CDKAL1: variants seen among roughly 807,000 people sequenced by gnomAD.
CDKAL1 encodes the protein threonylcarbamoyladenosine tRNA methylthiotransferase.
A neutral mutation model predicts 68.2 loss-of-function variants in CDKAL1; 32 were observed. The ratio of observed to expected loss-of-function variants is 0.47; its 90% CI spans 0.35 to 0.63. CDKAL1 has a LOEUF of 0.63. CDKAL1 is among the 30% of genes least tolerant of loss of function. CDKAL1 has a pLI of 0.00. For synonymous variants in CDKAL1, 234 were observed against 244.3 expected (o/e 0.96, Z 0.39); for missense variants, 606 against 696.7 (o/e 0.87, Z 1.47).
chr6:21,108,102 T>A (rs1227274713), intron 12 of CDKAL1, among the ~76,000 whole-genome samples: 1 of 152,168 alleles, frequency 6.6e-6, no homozygotes, highest in Non-Finnish European at 1.5e-5. Flanking sequence ...TTTCTTCATT[T>A]TAGTCTGTTA....
chr6:20,637,803 T>G (rs746328715), intron 4 of CDKAL1, among the ~76,000 whole-genome samples: 1 of 152,220 alleles, frequency 6.6e-6, no homozygotes. Flanking sequence ...AAAAATTTTA[T>G]GTAAATACCA....
At position 21,211,924 on chromosome 6, in the gene CDKAL1, AT is replaced by A. The variant is rs917290526; in HGVS notation, c.1548+10660del. ...AGACATGCGCCACTGTGCCTGGCTA[AT>A]TTTTTTTTTATTTTTTGTAGAGATG... is the stretch of plus-strand genomic sequence containing the variant. On this transcript the variant is annotated intron_variant, in intron 15 of 15. Coordinates refer to ENST00000274695, the MANE Select transcript of CDKAL1 (RefSeq NM_017774.3). Among the ~76,000 whole-genome samples the A allele has an allele frequency of 1.2e-4, 18 of 149,826 alleles. No individual in the cohort carries two copies. In the South Asian group the frequency reaches 2.6e-3, roughly 21 times the overall value.
At chr6:20,884,785 T>C (rs1760989887) in intron 9 of CDKAL1, among the ~76,000 whole-genome samples, 1 of 152,016 alleles carries the variant, frequency 6.6e-6, no homozygotes, top group South Asian at 2.1e-4. Context: ...AAGAATAAAA[T>C]ACCTAGGAAT....
chr6:20,982,712 T>TG (rs1766220893), intron 10 of CDKAL1, among the ~76,000 whole-genome samples: 1 of 151,304 alleles, frequency 6.6e-6, no homozygotes, highest in African/African-American at 2.4e-5. Context: ...GGGCAAAACC[T>TG]TGCAAAAAAG....
At chr6:20,544,363 C>T (rs1444393528) in intron 2 of CDKAL1, among the ~76,000 whole-genome samples, 4 of 151,050 alleles carry the variant, frequency 2.6e-5, no homozygotes, top group South Asian at 2.1e-4. Flanking sequence ...TTTGGGAGGC[C>T]GAGACGGGCG....
chr6:20,735,130 A>G (rs1773130308), intron 5 of CDKAL1, among the ~76,000 whole-genome samples: 4 of 152,138 alleles, frequency 2.6e-5, no homozygotes, highest in Admixed American at 2.6e-4. Flanking sequence ...TTGGCCTCCC[A>G]AAGTGCTGGG....
chr6:20,714,406 T>G (rs192609585), intron 5 of CDKAL1, among the ~76,000 whole-genome samples: 5,986 of 103,502 alleles, frequency 0.058, 124 homozygotes, highest in Non-Finnish European at 0.074. Context: ...TTTTTTTTTT[T>G]GAGACAGAAT....
At chr6:20,891,049 C>T (rs1050432299) in intron 9 of CDKAL1, among the ~76,000 whole-genome samples, 4 of 152,154 alleles carry the variant, frequency 2.6e-5, no homozygotes, top group Admixed American at 6.5e-5. Flanking sequence ...TCCCCTTTCC[C>T]CCGCTACCCT....
intron 8 of CDKAL1, among the ~76,000 whole-genome samples, chr6:20,833,213 GT>G (rs1399036307): frequency 3.3e-5 from 5 of 152,128 alleles, no homozygotes; most frequent in Non-Finnish European, 7.4e-5. Context: ...TCCAGCGTTA[GT>G]TTTTTGTGAG....
chr6:20,690,063 A>T (rs1398753991), intron 5 of CDKAL1, among the ~76,000 whole-genome samples: 1 of 152,216 alleles, frequency 6.6e-6, no homozygotes, highest in Non-Finnish European at 1.5e-5. Flanking sequence ...TGTAATGGTT[A>T]CCATAGTTAA....
intron 13 of CDKAL1, among the ~76,000 whole-genome samples, chr6:21,172,777 T>C (rs892365991): frequency 6.6e-6 from 1 of 152,048 alleles, no homozygotes; most frequent in Non-Finnish European, 1.5e-5. Flanking sequence ...AAATAAAAAT[T>C]AAAGCTTTCT....
intron 10 of CDKAL1, among the ~76,000 whole-genome samples, chr6:20,964,689 A>G (rs1184639658): frequency 6.6e-6 from 1 of 152,146 alleles, no homozygotes; most frequent in Admixed American, 6.5e-5. Context: ...ATCAGGAAGA[A>G]TAACTAATGG....
chr6:20,608,490 A>G (rs1160463185), intron 4 of CDKAL1, among the ~76,000 whole-genome samples: 2 of 152,208 alleles, frequency 1.3e-5, no homozygotes, highest in Non-Finnish European at 2.9e-5. Context: ...CTTGACGAGG[A>G]CACTATTTTG....
At chr6:20,963,494 C>A (rs897217677) in intron 10 of CDKAL1, among the ~76,000 whole-genome samples, 3 of 152,172 alleles carry the variant, frequency 2.0e-5, no homozygotes, top group Non-Finnish European at 4.4e-5. Flanking sequence ...CTTCCTACTA[C>A]TGAGCCTTTG....
intron 5 of CDKAL1, among the ~76,000 whole-genome samples, chr6:20,698,242 G>T (rs1184527890): frequency 6.6e-6 from 1 of 152,078 alleles, no homozygotes; most frequent in Non-Finnish European, 1.5e-5. Flanking sequence ...ACAACGTTTT[G>T]ATTTTAGAAT....
At chr6:20,558,235 A>G (rs1283076959) in intron 4 of CDKAL1, among the ~76,000 whole-genome samples, 1 of 152,184 alleles carries the variant, frequency 6.6e-6, no homozygotes, top group African/African-American at 2.4e-5. Context: ...CAGGGATGAC[A>G]GTGGTTATTG....
intron 4 of CDKAL1, among the ~76,000 whole-genome samples, chr6:20,586,847 A>G (rs1345201930): frequency 2.0e-5 from 3 of 151,984 alleles, no homozygotes; most frequent in Non-Finnish European, 4.4e-5. Flanking sequence ...TGAAGTGAAC[A>G]CCTTTTCTAC....
chr6:20,642,679 C>T lies in CDKAL1; in HGVS notation c.287-6614C>T, dbSNP rs759622903. ...CCCTGCTCATGGGAGTGCAAAGTGG[C>T]ACACCTTTGTGGAGAAGAATTTTAC... On this transcript the variant is annotated intron_variant, in intron 4 of 15. Coordinates refer to ENST00000274695, the MANE Select transcript of CDKAL1 (RefSeq NM_017774.3). Among the ~76,000 whole-genome samples, 39 of 152,184 alleles carry T rather than the reference C, an allele frequency of 2.6e-4. 1 individual carries two copies. The Middle Eastern group carries it at 0.027, about 106-fold the overall frequency.
At chr6:21,223,780 G>A (rs1779622994) in intron 15 of CDKAL1, among the ~76,000 whole-genome samples, 3 of 152,152 alleles carry the variant, frequency 2.0e-5, no homozygotes, top group African/African-American at 7.2e-5. Flanking sequence ...AAAGACCTGT[G>A]AGGAGGACAC....
Sources: allele counts gnomAD v4.1 joint callset (sites outside exome capture counted in the v4.1 genomes callset), GRCh38; gene constraint gnomAD v4.1.1; transcripts MANE v1.5; gene names NCBI Gene and HGNC (gene_info 2026-07-23, HGNC 2026-07-21).